Variants in CHST9 observed in about 807,000 individuals in gnomAD.
CHST9 encodes carbohydrate sulfotransferase 9.
In CHST9, 41 loss-of-function variants were observed where a neutral mutation model predicts 44.4. The observed-to-expected ratio is 0.92, with a 90% CI of 0.72 to 1.20. CHST9 has a LOEUF of 1.20. CHST9 is among the 50% of genes most tolerant of loss of function. The pLI is 0.00. For missense variants in CHST9, 504 were observed against 516.5 expected (o/e 0.98, Z 0.23); for synonymous variants, 171 against 178.4 (o/e 0.96, Z 0.33).
chr18:26,925,747 G>A (rs537581176), intron 5 of CHST9: 36 of 152,310 alleles, frequency 2.4e-4, no homozygotes, highest in South Asian at 1.2e-3. Context: ...TTGGATTATA[G>A]GAAATGCCTG....
intron 4 of CHST9, among the ~76,000 whole-genome samples, chr18:26,945,717 G>T (rs2056152137): frequency 6.6e-6 from 1 of 152,108 alleles, no homozygotes. Context: ...GAATAAAGCT[G>T]CTATAAACAT....
At chr18:27,139,040 C>A (rs1193737170) in intron 2 of CHST9, among the ~76,000 whole-genome samples, 1 of 152,288 alleles carries the variant, frequency 6.6e-6, no homozygotes, top group East Asian at 1.9e-4. Context: ...CTCTGTCATA[C>A]AGCTTCTCTT....
chr18:27,099,221 G>C (rs575238667), intron 2 of CHST9, among the ~76,000 whole-genome samples: 1 of 151,918 alleles, frequency 6.6e-6, no homozygotes, highest in Non-Finnish European at 1.5e-5. Context: ...GTAAGACCTC[G>C]AACTACAAGA....
chr18:27,018,727 G>A (rs2057184283), intron 4 of CHST9, among the ~76,000 whole-genome samples: 1 of 152,082 alleles, frequency 6.6e-6, no homozygotes, highest in Non-Finnish European at 1.5e-5. Context: ...GCTTAGGAAG[G>A]CTGCAGAAAA....
chr18:26,918,484 A>G (rs2055580613), intron 5 of CHST9, among the ~76,000 whole-genome samples: 1 of 151,506 alleles, frequency 6.6e-6, no homozygotes, highest in East Asian at 1.9e-4. Flanking sequence ...AAATATATAT[A>G]TACATGATAC....
At chr18:27,156,190 C>CT (rs1311249969) in intron 1 of CHST9, among the ~76,000 whole-genome samples, 1 of 150,448 alleles carries the variant, frequency 6.6e-6, no homozygotes. Flanking sequence ...AAAGATGAAC[C>CT]TGAAAAGATG....
At chr18:26,956,311 CAA>C (rs10641983) in intron 4 of CHST9, among the ~76,000 whole-genome samples, 16,284 of 111,914 alleles carry the variant, frequency 0.15, 986 homozygotes, top group East Asian at 0.23. Flanking sequence ...GACTCTGTCT[CAA>C]AAAAAAAAAA....
chr18:27,168,153 C>A (rs2058806089), intron 1 of CHST9, among the ~76,000 whole-genome samples: 1 of 150,036 alleles, frequency 6.7e-6, no homozygotes, highest in South Asian at 2.1e-4. Flanking sequence ...CGGCTCACTG[C>A]AAGCCCCGCC....
intron 2 of CHST9, among the ~76,000 whole-genome samples, chr18:27,086,030 T>C (rs915055834): frequency 6.6e-6 from 1 of 152,132 alleles, no homozygotes; most frequent in Non-Finnish European, 1.5e-5. Context: ...GAAAACCAAA[T>C]ACTGCATGTT....
At chr18:27,079,761 G>A (rs1420455411) in intron 2 of CHST9, among the ~76,000 whole-genome samples, 2 of 152,150 alleles carry the variant, frequency 1.3e-5, no homozygotes, top group Admixed American at 6.6e-5. Context: ...CTGGAGGTTC[G>A]CAGGGAGACT....
At chr18:27,091,727 T>C (rs2058070757) in intron 2 of CHST9, among the ~76,000 whole-genome samples, 2 of 152,366 alleles carry the variant, frequency 1.3e-5, no homozygotes, top group Non-Finnish European at 2.9e-5. Context: ...TCATTGTTCC[T>C]GTTTATATGA....
chr18:26,927,264 A>G (rs984374285), intron 5 of CHST9, among the ~76,000 whole-genome samples: 1 of 152,048 alleles, frequency 6.6e-6, no homozygotes, highest in Admixed American at 6.6e-5. Context: ...GGCAAGAAAA[A>G]GATTTTCACA....
intron 4 of CHST9, among the ~76,000 whole-genome samples, chr18:26,959,965 A>C (rs541173060): frequency 5.7e-4 from 87 of 152,276 alleles, no homozygotes; most frequent in Admixed American, 5.2e-4. Context: ...AGGATGGGGA[A>C]AAAAGGAATA....
At chr18:27,156,026 G>A (rs150131470) in intron 1 of CHST9, among the ~76,000 whole-genome samples, 13 of 151,966 alleles carry the variant, frequency 8.6e-5, no homozygotes, top group African/African-American at 2.9e-4. Flanking sequence ...TATAAAAAAC[G>A]TGTGATTAAG....
At chr18:26,982,005 G>T (rs1461603939) in intron 4 of CHST9, among the ~76,000 whole-genome samples, 1 of 152,070 alleles carries the variant, frequency 6.6e-6, no homozygotes, top group African/African-American at 2.4e-5. Flanking sequence ...CAGTCAGAAT[G>T]ACCTTTAGAA....
chr18:27,017,967 CT>C (rs2057175012), intron 4 of CHST9, among the ~76,000 whole-genome samples: 2 of 152,152 alleles, frequency 1.3e-5, no homozygotes, highest in African/African-American at 4.8e-5. Flanking sequence ...ATCCAGTTTC[CT>C]TAGATTAAGC....
At chr18:27,159,410 G>T (rs2058726736) in intron 1 of CHST9, among the ~76,000 whole-genome samples, 3 of 152,290 alleles carry the variant, frequency 2.0e-5, no homozygotes, top group African/African-American at 7.2e-5. Flanking sequence ...TCAAAGATCA[G>T]ATGGTTGTAG....
At chr18:26,984,612 T>C (rs1457776321) in intron 4 of CHST9, among the ~76,000 whole-genome samples, 2 of 151,552 alleles carry the variant, frequency 1.3e-5, no homozygotes, top group South Asian at 2.1e-4. Context: ...TTGCAATACA[T>C]GTATCTGACA....
rs1294334540 is a variant in CHST9, at chr18:27,010,387, A to G, written c.202+13729T>C. 2.0e-5 allele frequency among the ~76,000 whole-genome samples: 3 copies of G among 152,320 alleles called. No individual in the cohort carries two copies. The East Asian group carries it at 5.8e-4, about 29-fold the overall frequency. The stretch of plus-strand genomic sequence containing the variant: ...ACTGTAAGTCATTGGCCACACATGA[A>G]TATTACATGACTTGAAGTAATTGTC... On this transcript the variant is annotated intron_variant, in intron 4 of 5. Transcript: ENST00000618847.
Sources: allele counts gnomAD v4.1 joint callset (sites outside exome capture counted in the v4.1 genomes callset), GRCh38; gene constraint gnomAD v4.1.1; transcripts MANE v1.5; gene names NCBI Gene and HGNC (gene_info 2026-07-23, HGNC 2026-07-21).